ABCA13: variants seen among roughly 807,000 people sequenced by gnomAD.
ABCA13 encodes the protein ATP binding cassette subfamily A member 13.
A neutral mutation model predicts 478.7 loss-of-function variants in ABCA13; 476 were observed. The ratio of observed to expected loss-of-function variants is 0.99; its 90% CI spans 0.92 to 1.07. ABCA13 has a LOEUF of 1.07. ABCA13 is among the 50% of genes least tolerant of loss of function. The pLI is 0.00. For synonymous variants in ABCA13, 2,252 were observed against 2,158.9 expected, an observed-to-expected ratio of 1.04 and a Z score of -1.20; for missense variants, 6,060 against 5,910.6, an observed-to-expected ratio of 1.03 and a Z score of -0.83.
At chr7:48,386,005 G>A (rs566456681) in intron 35 of ABCA13, among the ~76,000 whole-genome samples, 54 of 152,206 alleles carry the variant, frequency 3.5e-4, no homozygotes, top group African/African-American at 1.3e-3. Flanking sequence ...CTAATGGAGT[G>A]TTTGTTTTTT....
intron 3 of ABCA13, among the ~76,000 whole-genome samples, chr7:48,216,182 C>T (rs1198815812): frequency 1.3e-5 from 2 of 152,152 alleles, no homozygotes; most frequent in Admixed American, 6.6e-5. Flanking sequence ...TGTTTTTCAA[C>T]GTGGCTCTAC....
At chr7:48,282,188 C>CA (rs1797141775) in intron 19 of ABCA13, among the ~76,000 whole-genome samples, 1 of 152,226 alleles carries the variant, frequency 6.6e-6, no homozygotes. Flanking sequence ...CATTTCAGTG[C>CA]AATCTCCTTT....
intron 19 of ABCA13, among the ~76,000 whole-genome samples, chr7:48,283,410 G>A (rs77518994): frequency 0.032 from 4,802 of 152,202 alleles, 183 homozygotes; most frequent in Admixed American, 0.1. Flanking sequence ...AGAGTGAGGG[G>A]TGGAGGAGAG....
chr7:48,178,673 C>T (rs975293074), intron 1 of ABCA13, among the ~76,000 whole-genome samples: 11 of 133,720 alleles, frequency 8.2e-5, no homozygotes, highest in African/African-American at 3.1e-4. Context: ...GACTCTATCT[C>T]AAAAAAATAA....
In ABCA13 at chr7:48,246,043, C is replaced by T; in HGVS notation, c.1659+13C>T. The T allele has an allele frequency of 6.2e-7, 1 of 1,610,454 alleles. No homozygotes were observed. On this transcript the variant is annotated intron_variant, in intron 13 of 61. Transcript: ENST00000435803. ...AGTAGAGGATGCTGTAAGTATTCTACCATCTTAGCTCTTCTAAGGGCACAA... is the reference window on the plus strand; with the variant it reads ...AGTAGAGGATGCTGTAAGTATTCTATCATCTTAGCTCTTCTAAGGGCACAA...
chr7:48,242,844 AC>A (rs1233401205), intron 10 of ABCA13: 1 of 152,134 alleles, frequency 6.6e-6, no homozygotes, highest in East Asian at 1.9e-4. Context: ...TCCCTTTTTC[AC>A]TACCTTGTCT....
intron 15 of ABCA13, among the ~76,000 whole-genome samples, chr7:48,259,206 A>T (rs1461869899): frequency 6.6e-6 from 1 of 151,282 alleles, no homozygotes; most frequent in East Asian, 1.9e-4. Context: ...GGGGTGTTGA[A>T]TTCTCCTTCT....
At position 48,279,096 on chromosome 7, in the gene ABCA13, T is replaced by G. The variant is rs1410552378; in HGVS notation, c.7902T>G (p.Ile2634Met). 15 of 1,612,184 alleles carry G rather than the reference T, an allele frequency of 9.3e-6. No individual in the cohort carries two copies. Among genetic ancestry groups the G allele is most frequent in the African/African-American group, 5.3e-5 (4 of 75,040 alleles). The change falls in exon 18 of 62, where the codon ATT becomes ATG. Residue 2634 changes from isoleucine (I) to methionine (M), a missense_variant. Physicochemically the swap from Ile to Met is conservative, Grantham distance 10. Coordinates refer to ENST00000435803, the MANE Select transcript of ABCA13 (RefSeq NM_152701.5). ...YMNQSKDFSD[I>M]LEEIAEFLTS... Reference sequence around the variant, plus strand: ...ACCAATCTAAGGACTTTTCTGATATTTTGGAAGAAATTGCTGAATTTTTAA... The same window carrying G: ...ACCAATCTAAGGACTTTTCTGATATGTTGGAAGAAATTGCTGAATTTTTAA...
chr7:48,365,694 A>G (rs1342989785), intron 31 of ABCA13, among the ~76,000 whole-genome samples: 2 of 152,168 alleles, frequency 1.3e-5, no homozygotes, highest in African/African-American at 2.4e-5. Flanking sequence ...CAATGTATGA[A>G]CTTGGAGCCT....
chr7:48,616,847 C>T (rs559785328), intron 59 of ABCA13, among the ~76,000 whole-genome samples: 2 of 152,142 alleles, frequency 1.3e-5, no homozygotes, highest in African/African-American at 4.8e-5. Flanking sequence ...ATAGTGAGAC[C>T]TCATTCCTAC....
Position 48,272,989 on chromosome 7 carries a change from C to A in ABCA13, c.3323C>A (p.Ser1108Tyr). ...KCLISDNKHI[S>Y]SVNYSTSEES... ...TTGATTTCGGACAATAAACACATTT[C>A]TTCCGTAAATTATTCAACAAGTGAG... The change falls in exon 17 of 62, where the codon TCT (serine) becomes TAT (tyrosine). Residue 1108 changes from serine (S) to tyrosine (Y), a missense_variant. This residue lies in a region of ABCA13 where 4,423 missense variants were observed against 4,309.1 expected (regional missense o/e 1.03). Coordinates refer to ENST00000435803, the MANE Select transcript of ABCA13 (RefSeq NM_152701.5). The A allele has an allele frequency of 6.2e-7, 1 of 1,613,554 alleles. No individual in the cohort carries two copies. Among genetic ancestry groups the A allele is most frequent in the Non-Finnish European group, 8.5e-7 (1 of 1,179,678 alleles).
At chr7:48,525,670 C>CTTTTT (rs538127881) in intron 54 of ABCA13, among the ~76,000 whole-genome samples, 35 of 68,328 alleles carry the variant, frequency 5.1e-4, no homozygotes, top group South Asian at 2.2e-3. Flanking sequence ...TTTAGATGCG[C>CTTTTT]TTTTTTTTTT....
intron 6 of ABCA13, among the ~76,000 whole-genome samples, chr7:48,227,719 C>A (rs1239938865): frequency 6.6e-6 from 1 of 152,148 alleles, no homozygotes. Flanking sequence ...GTTTTAATGG[C>A]TGCAGCATAT....
chr7:48,249,785 C>A (rs1207366637), intron 15 of ABCA13, among the ~76,000 whole-genome samples: 2 of 152,194 alleles, frequency 1.3e-5, no homozygotes, highest in African/African-American at 4.8e-5. Flanking sequence ...TCTCTATACA[C>A]ACACTCAACA....
chr7:48,577,596 C>T (rs1019614069), intron 55 of ABCA13, among the ~76,000 whole-genome samples: 2 of 152,044 alleles, frequency 1.3e-5, no homozygotes, highest in Non-Finnish European at 1.5e-5. Flanking sequence ...TAACTAATGA[C>T]CATAAAAGCA....
chr7:48,502,494 T>C (rs1342339105), intron 48 of ABCA13, among the ~76,000 whole-genome samples: 1 of 152,192 alleles, frequency 6.6e-6, no homozygotes, highest in Non-Finnish European at 1.5e-5. Context: ...ACAGCAGTGT[T>C]CTTTTGGCAG....
intron 42 of ABCA13, among the ~76,000 whole-genome samples, chr7:48,439,960 A>G (rs1823359111): frequency 6.6e-6 from 1 of 152,128 alleles, no homozygotes. Flanking sequence ...ACTTCTTCCT[A>G]CCAAAACAGT....
At chr7:48,446,751 T>C (rs1483536735) in intron 42 of ABCA13, among the ~76,000 whole-genome samples, 1 of 152,210 alleles carries the variant, frequency 6.6e-6, no homozygotes, top group Non-Finnish European at 1.5e-5. Context: ...TTTTCTTCTT[T>C]AACCAAATTT....
intron 3 of ABCA13, among the ~76,000 whole-genome samples, chr7:48,202,692 G>C (rs969867543): frequency 1.3e-5 from 2 of 149,646 alleles, no homozygotes; most frequent in Non-Finnish European, 3.0e-5. Context: ...GTGTCAACTG[G>C]TGCACTCACA....
Sources: allele counts gnomAD v4.1 joint callset (sites outside exome capture counted in the v4.1 genomes callset), GRCh38; gene constraint gnomAD v4.1.1; regional missense constraint gnomAD v4.1.1; transcripts MANE v1.5; gene names NCBI Gene and HGNC (gene_info 2026-07-23, HGNC 2026-07-21).